The following RAD51B variants were observed in gnomAD, a reference collection of about 807,000 sequenced individuals.
RAD51B encodes the protein DNA repair protein RAD51 homolog 2.
Under a neutral mutation model 42.2 loss-of-function variants are expected in RAD51B, and 38 were observed. That is an observed-to-expected ratio of 0.90 (90% CI 0.70 to 1.18). The LOEUF is 1.18. Among genes scored for constraint, RAD51B ranks in the 50% most tolerant of loss-of-function variants. RAD51B has a pLI of 0.00. For synonymous variants in RAD51B, 154 were observed against 145.2 expected, an observed-to-expected ratio of 1.06 and a Z score of -0.43; for missense variants, 373 against 400.7, an observed-to-expected ratio of 0.93 and a Z score of 0.59.
chr14:67,918,348 C>T (rs539836270), intron 7 of RAD51B, among the ~76,000 whole-genome samples: 6 of 152,240 alleles, frequency 3.9e-5, no homozygotes, highest in Admixed American at 6.5e-5. Flanking sequence ...AATTCTTCTG[C>T]CTCAGCCTCC....
At chr14:68,142,300 T>C (rs1215459018) in intron 7 of RAD51B, among the ~76,000 whole-genome samples, 1 of 152,208 alleles carries the variant, frequency 6.6e-6, no homozygotes, top group Non-Finnish European at 1.5e-5. Context: ...ACTCTCAAAC[T>C]CCTTTTCAGA....
chr14:67,973,198 T>C (rs2074930518), intron 7 of RAD51B, among the ~76,000 whole-genome samples: 1 of 152,142 alleles, frequency 6.6e-6, no homozygotes, highest in Non-Finnish European at 1.5e-5. Context: ...GATTTTGGAC[T>C]GAAGTCTGTA....
chr14:68,231,493 C>T (rs145163451), intron 7 of RAD51B, among the ~76,000 whole-genome samples: 1 of 152,304 alleles, frequency 6.6e-6, no homozygotes, highest in Non-Finnish European at 1.5e-5. Flanking sequence ...AGCTTCTTAT[C>T]TCTTTGCTGT....
At chr14:68,319,126 G>C (rs2082113683) in intron 8 of RAD51B, among the ~76,000 whole-genome samples, 1 of 152,124 alleles carries the variant, frequency 6.6e-6, no homozygotes, top group African/African-American at 2.4e-5. Flanking sequence ...GAGAAGTAAG[G>C]GCCCTGGAAA....
intron 5 of RAD51B, among the ~76,000 whole-genome samples, chr14:67,879,240 G>T (rs921718890): frequency 6.6e-6 from 1 of 152,242 alleles, no homozygotes; most frequent in Non-Finnish European, 1.5e-5. Flanking sequence ...CAGCTCTGCT[G>T]TTAAGGCTTT....
intron 10 of RAD51B, among the ~76,000 whole-genome samples, chr14:68,556,526 G>A (rs1210634895): frequency 1.3e-5 from 2 of 152,176 alleles, no homozygotes; most frequent in Admixed American, 6.5e-5. Flanking sequence ...CCTGAGAAGA[G>A]GAGGTGGCTA....
At chr14:68,414,784 G>A (rs2084509362) in intron 9 of RAD51B, among the ~76,000 whole-genome samples, 1 of 149,948 alleles carries the variant, frequency 6.7e-6, no homozygotes, top group Non-Finnish European at 1.5e-5. Flanking sequence ...ACTTTTGGGA[G>A]GCCAAGGTGG....
At chr14:68,578,632 T>A (rs889893996) in intron 10 of RAD51B, among the ~76,000 whole-genome samples, 1 of 152,012 alleles carries the variant, frequency 6.6e-6, no homozygotes, top group African/African-American at 2.4e-5. Context: ...ATATATTGAC[T>A]CACAGGCAAA....
Position 68,563,236 on chromosome 14 carries a change from C to A in RAD51B, c.1037-31249C>A, listed in dbSNP as rs1889243121. 6.1e-6 allele frequency: 6 copies of A among 985,404 alleles called. No individual in the cohort carries two copies. In the South Asian group the frequency reaches 2.3e-4, roughly 39 times the overall value. The allele number at this position is 985,404 out of a possible 1,614,324, so 61.0% of individuals were successfully genotyped here. On this transcript the variant is annotated intron_variant, in intron 10 of 10. Coordinates refer to the RAD51B transcript ENST00000487270. ...TCTCCTCCGTCTCTCATTGCCACAT[C>A]ATTACCTGCAGAGTTCAATGAAAAG...
At chr14:68,165,069 A>G (rs1225036613) in intron 7 of RAD51B, among the ~76,000 whole-genome samples, 1 of 152,230 alleles carries the variant, frequency 6.6e-6, no homozygotes, top group Non-Finnish European at 1.5e-5. Flanking sequence ...GAGTGTGGTT[A>G]AGTGTTACCT....
chr14:68,370,144 G>A (rs796465189), intron 8 of RAD51B, among the ~76,000 whole-genome samples: 1 of 152,308 alleles, frequency 6.6e-6, no homozygotes, highest in South Asian at 2.1e-4. Context: ...ACCAAGGTCT[G>A]ATTTTTCACA....
intron 9 of RAD51B, among the ~76,000 whole-genome samples, chr14:68,455,159 A>G (rs1272488968): frequency 6.6e-6 from 1 of 152,194 alleles, no homozygotes; most frequent in African/African-American, 2.4e-5. Flanking sequence ...AGGGACCTTC[A>G]ATAAAATTAA....
intron 8 of RAD51B, among the ~76,000 whole-genome samples, chr14:68,312,481 C>A (rs1214953055): frequency 6.6e-6 from 1 of 152,186 alleles, no homozygotes; most frequent in African/African-American, 2.4e-5. Flanking sequence ...AGTATTGACC[C>A]TGTTGTTGCC....
chr14:68,158,802 TC>T (rs1420548245), intron 7 of RAD51B, among the ~76,000 whole-genome samples: 3 of 152,224 alleles, frequency 2.0e-5, no homozygotes, highest in African/African-American at 4.8e-5. Context: ...AATTTCTATA[TC>T]TGCTGAAGGT....
At chr14:68,661,354 G>A (rs1892928680) in intron 11 of RAD51B, among the ~76,000 whole-genome samples, 1 of 152,178 alleles carries the variant, frequency 6.6e-6, no homozygotes, top group South Asian at 2.1e-4. Context: ...CATGTCTGTT[G>A]CTGTTGCTGC....
At chr14:68,623,577 G>C (rs1442281785) in intron 10 of RAD51B, among the ~76,000 whole-genome samples, 1 of 152,196 alleles carries the variant, frequency 6.6e-6, no homozygotes, top group East Asian at 1.9e-4. Context: ...AAAGAGGAAG[G>C]GGTGCCTTTT....
At chr14:68,213,131 A>T (rs965807537) in intron 7 of RAD51B, among the ~76,000 whole-genome samples, 1 of 152,232 alleles carries the variant, frequency 6.6e-6, no homozygotes, top group Non-Finnish European at 1.5e-5. Context: ...TGCTTTTGCA[A>T]CAAGTGAGAT....
downstream of RAD51B, among the ~76,000 whole-genome samples, chr14:68,596,176 A>C (rs550992946): frequency 7.2e-5 from 11 of 152,176 alleles, no homozygotes; most frequent in African/African-American, 2.2e-4. Flanking sequence ...ATCCTAAACA[A>C]CACCACCAGG....
At chr14:68,591,296 G>A (rs560479524) in intron 10 of RAD51B, among the ~76,000 whole-genome samples, 2 of 152,120 alleles carry the variant, frequency 1.3e-5, no homozygotes, top group African/African-American at 4.8e-5. Flanking sequence ...CTCCATGCTG[G>A]GTTCTGCCAG....
Sources: allele counts gnomAD v4.1 joint callset (sites outside exome capture counted in the v4.1 genomes callset), GRCh38; gene constraint gnomAD v4.1.1; transcripts MANE v1.5; gene names NCBI Gene and HGNC (gene_info 2026-07-23, HGNC 2026-07-21).